ELP4: variants seen among roughly 807,000 people sequenced by gnomAD.
ELP4 encodes the protein elongator complex protein 4.
A neutral mutation model predicts 48.9 loss-of-function variants in ELP4; 51 were observed. The ratio of observed to expected loss-of-function variants is 1.04; its 90% CI spans 0.83 to 1.32. The LOEUF is 1.32. Among genes scored for constraint, ELP4 ranks in the 40% most tolerant of loss-of-function variants. The pLI is 0.00. For synonymous variants in ELP4, 210 were observed against 189.2 expected (o/e 1.11, Z -0.90); for missense variants, 519 against 514.6 (o/e 1.01, Z -0.08).
At chr11:31,607,215 T>C (rs2134007233) in intron 5 of ELP4, among the ~76,000 whole-genome samples, 1 of 152,346 alleles carries the variant, frequency 6.6e-6, no homozygotes, top group African/African-American at 2.4e-5. Context: ...AATAAATTCC[T>C]GTTTAAGCCC....
rs191033444 is a variant in ELP4 at position 31,637,626 on chromosome 11, G to A, written c.927+5221G>A. Among the ~76,000 whole-genome samples the A allele has an allele frequency of 3.3e-5, 5 of 151,814 alleles. No homozygotes were observed. In the East Asian group the frequency reaches 7.8e-4, roughly 24 times the overall value. On this transcript the variant is annotated intron_variant, in intron 7 of 9. Coordinates refer to ENST00000640961, the MANE Select transcript of ELP4 (RefSeq NM_019040.5). Reference sequence around the variant, plus strand: ...TTTTAATGAGTTATCTTTTTCTTTTGCAAAGTGGTAACTTTAAAGCAGTTA... The same window carrying A: ...TTTTAATGAGTTATCTTTTTCTTTTACAAAGTGGTAACTTTAAAGCAGTTA...
intron 2 of ELP4, among the ~76,000 whole-genome samples, chr11:31,530,698 C>T (rs1196685950): frequency 2.6e-5 from 4 of 152,208 alleles, no homozygotes; most frequent in South Asian, 4.2e-4. Context: ...AATTCCATTT[C>T]CGTTTTATAG....
At chr11:31,561,561 C>G (rs929969863) in intron 3 of ELP4, among the ~76,000 whole-genome samples, 1 of 152,148 alleles carries the variant, frequency 6.6e-6, no homozygotes, top group African/African-American at 2.4e-5. Context: ...CCTGCCTCAG[C>G]CTCCTCCAAG....
chr11:31,609,654 C>T (rs1398303005), intron 5 of ELP4, among the ~76,000 whole-genome samples: 1 of 152,058 alleles, frequency 6.6e-6, no homozygotes, highest in South Asian at 2.1e-4. Context: ...CCCAAGGGGG[C>T]TCCTTGGGAG....
intron 7 of ELP4, among the ~76,000 whole-genome samples, chr11:31,640,879 C>T (rs1945082217): frequency 6.6e-6 from 1 of 151,846 alleles, no homozygotes. Context: ...AACCAAATGG[C>T]AGGCAAGGAT....
intron 2 of ELP4, among the ~76,000 whole-genome samples, chr11:31,524,295 C>A (rs1192968904): frequency 2.0e-5 from 3 of 152,212 alleles, no homozygotes; most frequent in African/African-American, 7.2e-5. Flanking sequence ...GAGTTCTCAT[C>A]TGAAGGCTTG....
intron 9 of ELP4, among the ~76,000 whole-genome samples, chr11:31,697,946 T>C (rs1439544546): frequency 7.7e-6 from 1 of 129,534 alleles, no homozygotes; most frequent in Admixed American, 8.1e-5. Context: ...CTACTACATA[T>C]CAGAAAATGC....
chr11:31,706,856 A>T (rs1946645036), intron 9 of ELP4: 1 of 391,260 alleles, frequency 2.6e-6, no homozygotes, highest in African/African-American at 2.1e-5. Context: ...TTCCTGGCTT[A>T]TTTCACTTAA....
chr11:31,512,687 T>G (rs1238325936), intron 1 of ELP4: 1 of 152,184 alleles, frequency 6.6e-6, no homozygotes, highest in East Asian at 1.9e-4. Flanking sequence ...AAAGGAAAGA[T>G]AGATATTCCA....
At chr11:31,588,718 C>T (rs1255604125) in intron 3 of ELP4, among the ~76,000 whole-genome samples, 2 of 152,148 alleles carry the variant, frequency 1.3e-5, no homozygotes, top group African/African-American at 2.4e-5. Context: ...CACAGTGGCT[C>T]ACGCCTATAA....
chr11:31,725,450 T>G (rs544123130), intron 9 of ELP4, among the ~76,000 whole-genome samples: 4 of 152,258 alleles, frequency 2.6e-5, no homozygotes, highest in Admixed American at 2.6e-4. Context: ...CCACCACCCC[T>G]TCTCTCTGCC....
intron 9 of ELP4, among the ~76,000 whole-genome samples, chr11:31,673,333 T>G (rs1397513377): frequency 6.6e-6 from 1 of 151,652 alleles, no homozygotes; most frequent in East Asian, 1.9e-4. Context: ...TTGTTTGTTT[T>G]TGTTTGTTTG....
chr11:31,753,526 T>C (rs1026490592), intron 9 of ELP4, among the ~76,000 whole-genome samples: 1 of 152,212 alleles, frequency 6.6e-6, no homozygotes, highest in African/African-American at 2.4e-5. Context: ...ACTTTCATAC[T>C]CTACTGATGG....
intron 3 of ELP4, among the ~76,000 whole-genome samples, chr11:31,541,988 ACCG>A (rs1437481446): frequency 2.6e-5 from 4 of 152,250 alleles, no homozygotes; most frequent in Admixed American, 2.0e-4. Flanking sequence ...TAAAAAATAC[ACCG>A]TGTCTGACCA....
At chr11:31,554,933 A>T (rs1360880235) in intron 3 of ELP4, among the ~76,000 whole-genome samples, 1 of 152,184 alleles carries the variant, frequency 6.6e-6, no homozygotes, top group Admixed American at 6.6e-5. Context: ...TTTTATATTC[A>T]ATATGTTAAC....
At chr11:31,739,605 T>G (rs778454046) in intron 9 of ELP4, among the ~76,000 whole-genome samples, 3 of 152,186 alleles carry the variant, frequency 2.0e-5, no homozygotes, top group Non-Finnish European at 4.4e-5. Flanking sequence ...ATGATTAATT[T>G]ACAGAATCTC....
At chr11:31,607,985 G>A (rs1021014019) in intron 5 of ELP4, among the ~76,000 whole-genome samples, 2 of 151,912 alleles carry the variant, frequency 1.3e-5, no homozygotes, top group African/African-American at 4.8e-5. Flanking sequence ...GTTTTGTAGG[G>A]TAACTGCTGC....
At chr11:31,733,515 AGAG>A (rs138050599) in intron 9 of ELP4, among the ~76,000 whole-genome samples, 2,992 of 151,546 alleles carry the variant, frequency 0.02, 95 homozygotes, top group African/African-American at 0.069. Context: ...AAGAAATGAA[AGAG>A]GAGACATTAC....
At chr11:31,691,893 T>A (rs867934901) in intron 9 of ELP4, among the ~76,000 whole-genome samples, 4 of 152,178 alleles carry the variant, frequency 2.6e-5, no homozygotes, top group African/African-American at 9.7e-5. Flanking sequence ...TGATATCTCT[T>A]AACATTAACT....
Sources: allele counts gnomAD v4.1 joint callset (sites outside exome capture counted in the v4.1 genomes callset), GRCh38; gene constraint gnomAD v4.1.1; transcripts MANE v1.5; gene names NCBI Gene and HGNC (gene_info 2026-07-23, HGNC 2026-07-21).